The following RBFOX1 variants were observed in gnomAD, a reference collection of about 807,000 sequenced individuals.
RBFOX1 encodes RNA binding protein fox-1 homolog 1.
In RBFOX1, 8 loss-of-function variants were observed where a neutral mutation model predicts 57.7. The observed-to-expected ratio is 0.14, with a 90% CI of 0.08 to 0.25. RBFOX1 has a LOEUF of 0.25. Ranked by LOEUF, RBFOX1 falls within the 10% of genes least tolerant of loss-of-function variation. The probability of loss-of-function intolerance (pLI) is 1.00; values close to 1 mark genes in which losing one functional copy is unlikely to be tolerated. For missense variants in RBFOX1, 611 were observed against 548.5 expected (o/e 1.11, Z -1.14); for synonymous variants, 326 against 222.4 (o/e 1.47, Z -4.15).
At chr16:5,656,318 A>C (rs564053982) in intron 3 of RBFOX1, among the ~76,000 whole-genome samples, 2 of 152,338 alleles carry the variant, frequency 1.3e-5, no homozygotes, top group Admixed American at 6.5e-5. Flanking sequence ...AGAGGCGAGC[A>C]TATCATTAAA....
Position 6,988,657 on chromosome 16 carries a change from C to G in RBFOX1, c.-15-63400C>G, listed in dbSNP as rs576485258. On this transcript the variant is annotated intron_variant, in intron 3 of 15. Coordinates refer to ENST00000550418, the MANE Select transcript of RBFOX1 (RefSeq NM_018723.4). The stretch of plus-strand genomic sequence containing the variant: ...GTGCGATCTCGGCTCACTACAACCT[C>G]TGCCTCAGCCTCAGCCTCAGCCTTA... Among the ~76,000 whole-genome samples, 54 of 151,834 alleles carry G rather than the reference C, an allele frequency of 3.6e-4. 2 individuals carry two copies. In the South Asian group the frequency reaches 5.6e-3, roughly 16 times the overall value.
intron 14 of RBFOX1, among the ~76,000 whole-genome samples, chr16:7,698,183 G>GGTGTGTGTGT (rs59239865): frequency 0.025 from 3,406 of 136,152 alleles, 48 homozygotes; most frequent in Non-Finnish European, 0.034. Flanking sequence ...AGTCCAAGAG[G>GGTGTGTGTGT]GTGTGTGTGT....
intron 2 of RBFOX1, among the ~76,000 whole-genome samples, chr16:5,502,507 G>C (rs1301194297): frequency 1.3e-5 from 2 of 152,154 alleles, no homozygotes; most frequent in African/African-American, 4.8e-5. Context: ...CTGCTTCTCT[G>C]GGTCTGGCTG....
chr16:5,885,378 C>T (rs1412117561), intron 4 of RBFOX1, among the ~76,000 whole-genome samples: 1 of 150,318 alleles, frequency 6.7e-6, no homozygotes, highest in East Asian at 2.0e-4. Flanking sequence ...ATCATCCAAT[C>T]TGCCATCTGA....
rs574205638 is a variant in RBFOX1 at position 6,422,243 on chromosome 16, T to A, written c.-64+105186T>A. Among the ~76,000 whole-genome samples the A allele has an allele frequency of 2.1e-3, 315 of 150,756 alleles. 4 individuals are homozygous for A. The highest frequency in any genetic ancestry group is 7.5e-3 in the African/African-American group (305 of 40,890). Reference sequence around the variant, plus strand: ...GACCACCTCTCCTTTTTTTTTTTTTTAACTCAACTTTCTTTAGATTCAGGG... The same window carrying A: ...GACCACCTCTCCTTTTTTTTTTTTTAAACTCAACTTTCTTTAGATTCAGGG... On this transcript the variant is annotated intron_variant, in intron 2 of 15. Coordinates refer to ENST00000550418, the MANE Select transcript of RBFOX1 (RefSeq NM_018723.4).
chr16:5,984,981 T>A (rs1409509977), intron 4 of RBFOX1, among the ~76,000 whole-genome samples: 367 of 101,254 alleles, frequency 3.6e-3, no homozygotes, highest in African/African-American at 9.9e-3. Context: ...TATATATTTT[T>A]TTTTTTTTTT....
intron 4 of RBFOX1, among the ~76,000 whole-genome samples, chr16:7,308,132 A>G (rs888748869): frequency 1.3e-5 from 2 of 152,176 alleles, no homozygotes; most frequent in African/African-American, 4.8e-5. Context: ...ACATGCATGG[A>G]CACACAGGAC....
chr16:6,930,896 C>A (rs995888434), intron 3 of RBFOX1, among the ~76,000 whole-genome samples: 1 of 152,072 alleles, frequency 6.6e-6, no homozygotes, highest in Non-Finnish European at 1.5e-5. Context: ...CCTGCCCCCT[C>A]ACCATAGCCG....
chr16:5,792,795 A>T lies in RBFOX1; in HGVS notation c.319-74508A>T, dbSNP rs1197093664. On this transcript the variant is annotated intron_variant, in intron 3 of 19. Transcript: ENST00000641259. ...GAGGTGGAGGTTGCAGTGAGGTGAG[A>T]TCGTGCCACTGCACTCCAGCCTGGG... Among the ~76,000 whole-genome samples, 6 of 152,310 alleles carry T rather than the reference A, an allele frequency of 3.9e-5. No individual in the cohort carries two copies. In the South Asian group the frequency reaches 1.2e-3, roughly 32 times the overall value.
intron 3 of RBFOX1, among the ~76,000 whole-genome samples, chr16:6,776,419 A>G (rs1481539564): frequency 2.9e-5 from 3 of 104,504 alleles, no homozygotes; most frequent in Non-Finnish European, 6.5e-5. Flanking sequence ...TCGGAAAAAA[A>G]CAAAAAACAA....
At chr16:7,440,475 T>A (rs2098757633) in intron 4 of RBFOX1, among the ~76,000 whole-genome samples, 1 of 152,166 alleles carries the variant, frequency 6.6e-6, no homozygotes. Context: ...GTATGGCTTA[T>A]GAAGGCACTG....
chr16:7,218,152 A>C (rs2092400479), intron 4 of RBFOX1, among the ~76,000 whole-genome samples: 1 of 151,484 alleles, frequency 6.6e-6, no homozygotes, highest in Non-Finnish European at 1.5e-5. Flanking sequence ...CACCTTGCTG[A>C]CTCTTTCTAA....
intron 4 of RBFOX1, among the ~76,000 whole-genome samples, chr16:7,466,600 C>A (rs752816072): frequency 4.9e-4 from 75 of 152,336 alleles, no homozygotes; most frequent in African/African-American, 1.7e-3. Context: ...TGTCATTGAT[C>A]TGGATCCCAG....
At position 6,943,228 on chromosome 16, in the gene RBFOX1, C is replaced by G. The variant is rs577679874; in HGVS notation, c.-15-108829C>G. ...GCTTTGCCTATAAGGTTATAGAGCC[C>G]TCAAGAGAAAGCCAGCAGTCAATGA... On this transcript the variant is annotated intron_variant, in intron 3 of 15. Transcript: ENST00000550418. 1.5e-3 allele frequency among the ~76,000 whole-genome samples: 228 copies of G among 152,282 alleles called. 1 individual carries two copies. The highest frequency in any genetic ancestry group is 2.4e-3 in the Non-Finnish European group (165 of 68,008).
chr16:6,858,823 A>G (rs1484271280), intron 3 of RBFOX1, among the ~76,000 whole-genome samples: 11 of 152,064 alleles, frequency 7.2e-5, no homozygotes, highest in African/African-American at 1.4e-4. Flanking sequence ...TCTGCTGGTT[A>G]GAAGTATAAT....
intron 2 of RBFOX1, among the ~76,000 whole-genome samples, chr16:6,563,728 G>C (rs191432070): frequency 4.8e-4 from 73 of 152,108 alleles, no homozygotes; most frequent in African/African-American, 1.6e-3. Flanking sequence ...ACTGGTAGTA[G>C]GGCACACACA....
intron 3 of RBFOX1, among the ~76,000 whole-genome samples, chr16:6,967,319 A>C (rs1051058012): frequency 1.3e-5 from 2 of 152,094 alleles, no homozygotes; most frequent in Admixed American, 1.3e-4. Context: ...ATCTGTCTAT[A>C]CATCCATCCA....
At chr16:6,814,247 T>C (rs111756398) in intron 3 of RBFOX1, among the ~76,000 whole-genome samples, 2 of 99,304 alleles carry the variant, frequency 2.0e-5, no homozygotes, top group Non-Finnish European at 2.3e-5. Context: ...GAGAAAATTG[T>C]GGTGGGGGGG....
At chr16:6,144,791 A>G (rs899023391) in intron 1 of RBFOX1, among the ~76,000 whole-genome samples, 2 of 152,204 alleles carry the variant, frequency 1.3e-5, no homozygotes, top group Admixed American at 6.5e-5. Context: ...AACAGCTCAG[A>G]TAGATGTTTT....
Sources: gnomAD v4.1 joint callset for allele counts (sites outside exome capture counted in the v4.1 genomes callset) on GRCh38, gnomAD v4.1.1 for gene constraint, MANE v1.5 for transcripts, NCBI Gene and HGNC (gene_info 2026-07-23, HGNC 2026-07-21) for gene names.